Variants in IGF1R observed in about 807,000 individuals in gnomAD.
IGF1R encodes the protein insulin-like growth factor 1 receptor.
Under a neutral mutation model 144.6 loss-of-function variants are expected in IGF1R, and 44 were observed. That is an observed-to-expected ratio of 0.30 (90% confidence interval 0.24 to 0.39). IGF1R has a LOEUF of 0.39. Ranked by LOEUF, IGF1R falls within the 10% of genes least tolerant of loss-of-function variation. The probability of loss-of-function intolerance (pLI) is 1.00; values close to 1 mark genes in which losing one functional copy is unlikely to be tolerated. For missense variants in IGF1R, 1,355 were observed against 1,833.7 expected, an observed-to-expected ratio of 0.74 and a Z score of 4.77; for synonymous variants, 795 against 722.8, an observed-to-expected ratio of 1.10 and a Z score of -1.60.
In IGF1R at chr15:98,960,609, C is replaced by CAG; in HGVS notation, c.*3168_*3169dup. 4.3e-6 allele frequency: 1 copy of CAG among 233,590 alleles called. No homozygotes were observed. Among genetic ancestry groups the CAG allele is most frequent in the East Asian group, 6.0e-5 (1 of 16,600 alleles). 14.5% of individuals were successfully genotyped at this position (233,590 alleles called of 1,614,324 possible). On this transcript the variant is annotated 3_prime_UTR_variant, in exon 21 of 21. Transcript: ENST00000650285. ...TCCCCTTGCTGCTGCTCCATCCCTGCAGGAGGCTCGCGCTGAGGCAGGACC... is the reference window on the plus strand; with the variant it reads ...TCCCCTTGCTGCTGCTCCATCCCTGCAGAGGAGGCTCGCGCTGAGGCAGGACC...
chr15:98,716,833 G>A (rs2054129396), intron 2 of IGF1R, among the ~76,000 whole-genome samples: 2 of 152,124 alleles, frequency 1.3e-5, no homozygotes, highest in African/African-American at 4.8e-5. Context: ...CTTCTTCTGC[G>A]GGGTCAGCTT....
In IGF1R at chr15:98,823,732, C is replaced by A. The variant is rs564133393; in HGVS notation, c.641-67593C>A. Among the ~76,000 whole-genome samples the A allele has an allele frequency of 2.0e-5, 3 of 152,264 alleles. No homozygotes were observed. The East Asian group carries it at 5.8e-4, about 29-fold the overall frequency. On this transcript the variant is annotated intron_variant, in intron 2 of 20. Transcript: ENST00000650285. Reference sequence around the variant, plus strand: ...TCACAGTGCTTAGTAACCATAACTTCTTGGTTTCATGATCATAGGGGTTTT... The same window carrying A: ...TCACAGTGCTTAGTAACCATAACTTATTGGTTTCATGATCATAGGGGTTTT...
rs1291307385 is a variant in IGF1R at position 98,704,280 on chromosome 15, G to A, written c.95-3282G>A. The stretch of plus-strand genomic sequence containing the variant: ...GGGAGGGAGGAGTTGGGGGACAGTT[G>A]GGGGAATAGTTGAAGCTAAGGTGTT... On this transcript the variant is annotated intron_variant, in intron 1 of 20. Coordinates refer to ENST00000650285, the MANE Select transcript of IGF1R (RefSeq NM_000875.5). This position sits in a 1 kb window ranked among gnomAD's most constrained non-coding sequence, Gnocchi z 4.9. Among the ~76,000 whole-genome samples, 2 of 152,150 alleles carry A rather than the reference G, an allele frequency of 1.3e-5. No homozygotes were observed. Among genetic ancestry groups the A allele is most frequent in the Non-Finnish European group, 2.9e-5 (2 of 68,016 alleles).
At chr15:98,696,909 A>G (rs35515215) in intron 1 of IGF1R, among the ~76,000 whole-genome samples, 1,563 of 152,262 alleles carry the variant, frequency 0.01, 17 homozygotes, top group Non-Finnish European at 0.016. Flanking sequence ...TGCCGAGGGT[A>G]CCTGGTCTTA....
chr15:98,937,541 A>G (rs2684800), intron 17 of IGF1R, among the ~76,000 whole-genome samples: 92,366 of 152,056 alleles, frequency 0.61, 28,570 homozygotes, highest in South Asian at 0.72. Context: ...GCTCATGTCA[A>G]GTATTAAAAT....
At chr15:98,788,620 T>TGCAAACGGTCTATACTGCTCAGCTTTGC (rs2056060796) in intron 2 of IGF1R, among the ~76,000 whole-genome samples, 1 of 152,222 alleles carries the variant, frequency 6.6e-6, no homozygotes, top group South Asian at 2.1e-4. Flanking sequence ...TGCGCAAGTT[T>TGCAAACGGTCTATACTGCTCAGCTTTGC]GCAAACGGTC....
Position 98,957,780 on chromosome 15 carries a change from C to T in IGF1R, c.*338C>T, listed in dbSNP as rs1287401348. On this transcript the variant is annotated 3_prime_UTR_variant, in exon 21 of 21. Coordinates refer to ENST00000650285, the MANE Select transcript of IGF1R (RefSeq NM_000875.5). The stretch of plus-strand genomic sequence containing the variant: ...TCCCTGTTCTCCCTTTCTCTCTCCT[C>T]TCTGCTTCATAACGGAAAAATAATT... The T allele has an allele frequency of 3.7e-5, 14 of 383,136 alleles. No homozygotes were observed. Among genetic ancestry groups the T allele is most frequent in the East Asian group, 3.0e-4 (7 of 23,296 alleles). 23.7% of individuals were successfully genotyped at this position (383,136 alleles called of 1,614,324 possible). A position where few individuals can be genotyped will look rare whatever the true frequency, so the allele number is the denominator to read the frequency against.
rs755528527 is a variant in IGF1R at position 98,922,133 on chromosome 15, C to G, written c.2202-15C>G. 5.0e-6 allele frequency: 8 copies of G among 1,613,974 alleles called. No individual in the cohort carries two copies. The highest frequency in any genetic ancestry group is 1.6e-4 in the Middle Eastern group (1 of 6,082). ...GTAAAAGTACTTAAAAGCCACATTT[C>G]TCTCCTCCTTGCAGACCTGAAAGGA... On this transcript the variant is annotated splice_polypyrimidine_tract_variant and intron_variant, in intron 10 of 20. Transcript: ENST00000650285.
intron 2 of IGF1R, among the ~76,000 whole-genome samples, chr15:98,726,805 C>T (rs1333110263): frequency 1.3e-5 from 2 of 150,614 alleles, no homozygotes; most frequent in East Asian, 2.0e-4. Context: ...CTGCAACTTC[C>T]GCCTCCCGGG....
At chr15:98,833,652 G>T (rs1330118099) in intron 2 of IGF1R, among the ~76,000 whole-genome samples, 3 of 152,184 alleles carry the variant, frequency 2.0e-5, no homozygotes, top group Admixed American at 6.5e-5. Context: ...TAAGCTGTTA[G>T]GAAATGTCAT....
intron 11 of IGF1R, 105 bp downstream of exon 11, chr15:98,922,536 A>T: frequency 7.3e-7 from 1 of 1,365,366 alleles, no homozygotes; most frequent in African/African-American, 1.4e-5. Context: ...TGACCCTTAG[A>T]CCCAGGCCTG....
intron 14 of IGF1R, among the ~76,000 whole-genome samples, chr15:98,930,009 C>G (rs1322994471): frequency 6.6e-6 from 1 of 152,200 alleles, no homozygotes; most frequent in Non-Finnish European, 1.5e-5. Context: ...AAGCGCTAAT[C>G]TCAGGCTACT....
At chr15:98,831,452 C>T (rs1324300958) in intron 2 of IGF1R, among the ~76,000 whole-genome samples, 1 of 152,230 alleles carries the variant, frequency 6.6e-6, no homozygotes, top group Non-Finnish European at 1.5e-5. Flanking sequence ...ACCCTCTTGC[C>T]CTGGCTTGTG....
chr15:98,655,681 G>A (rs1015133216), intron 1 of IGF1R, among the ~76,000 whole-genome samples: 4 of 150,942 alleles, frequency 2.7e-5, no homozygotes, highest in Admixed American at 2.0e-4. Flanking sequence ...TAGTAAGCAA[G>A]CTTAAAATTT....
chr15:98,938,024 C>T (rs887964720), intron 17 of IGF1R, among the ~76,000 whole-genome samples: 13 of 152,156 alleles, frequency 8.5e-5, no homozygotes, highest in Non-Finnish European at 1.8e-4. Context: ...TTTGTGTCAC[C>T]AAGTGTAGAG....
At chr15:98,739,812 G>A (rs558795404) in intron 2 of IGF1R, among the ~76,000 whole-genome samples, 2 of 152,270 alleles carry the variant, frequency 1.3e-5, no homozygotes, top group South Asian at 2.1e-4. Flanking sequence ...GGCTGTTCTC[G>A]AATTCCTGAG....
At chr15:98,926,135 C>T (rs1015928758) in intron 13 of IGF1R, among the ~76,000 whole-genome samples, 2 of 152,012 alleles carry the variant, frequency 1.3e-5, no homozygotes, top group Non-Finnish European at 2.9e-5. Context: ...TACTATTCTA[C>T]CATAAATTAG....
chr15:98,805,214 T>TA (rs2056446167), intron 2 of IGF1R, among the ~76,000 whole-genome samples: 2 of 152,176 alleles, frequency 1.3e-5, no homozygotes. Context: ...AATTTGAAGA[T>TA]ACTTCCATTT....
intron 2 of IGF1R, among the ~76,000 whole-genome samples, chr15:98,758,626 G>C (rs964003062): frequency 2.6e-5 from 4 of 152,198 alleles, no homozygotes; most frequent in Non-Finnish European, 5.9e-5. Flanking sequence ...GGATGAGCAG[G>C]GTGCAGGGCC....
Sources: allele counts gnomAD v4.1 joint callset (sites outside exome capture counted in the v4.1 genomes callset), GRCh38; gene constraint gnomAD v4.1.1; non-coding constraint Gnocchi (gnomAD v3.1); transcripts MANE v1.5; gene names NCBI Gene and HGNC (gene_info 2026-07-23, HGNC 2026-07-21).